The following PDE3A variants were observed in gnomAD, a reference collection of about 807,000 sequenced individuals.
The protein encoded by PDE3A is phosphodiesterase 3A.
PDE3A carries 43 observed loss-of-function variants against 98.3 expected under a neutral mutation model. That is an observed-to-expected ratio of 0.44 (90% CI 0.34 to 0.56). The LOEUF (loss-of-function observed/expected upper bound fraction) is 0.56, where lower values mean the gene tolerates loss of function less well. Among genes scored for constraint, PDE3A ranks in the 20% least tolerant of loss-of-function variants. PDE3A has a pLI of 0.01. For missense variants in PDE3A, 1,427 were observed against 1,440.7 expected, an observed-to-expected ratio of 0.99 and a Z score of 0.15; for synonymous variants, 663 against 567.9, an observed-to-expected ratio of 1.17 and a Z score of -2.38.
intron 1 of PDE3A, among the ~76,000 whole-genome samples, chr12:20,544,529 ACAAAT>A (rs1942002009): frequency 6.6e-6 from 1 of 151,948 alleles, no homozygotes; most frequent in African/African-American, 2.4e-5. Context: ...TTCCTTGAAG[ACAAAT>A]CAAATCTGAT....
intron 1 of PDE3A, among the ~76,000 whole-genome samples, chr12:20,422,888 T>C (rs533602818): frequency 8.5e-4 from 129 of 152,330 alleles, no homozygotes; most frequent in African/African-American, 2.9e-3. Context: ...AACACTTACA[T>C]GTTTATTTGG....
intron 1 of PDE3A, among the ~76,000 whole-genome samples, chr12:20,442,002 GTGCCTCCT>G: frequency 6.6e-6 from 1 of 152,170 alleles, no homozygotes; most frequent in South Asian, 2.1e-4. Flanking sequence ...CCTTAGGTTA[GTGCCTCCT>G]CCTGGATGAC....
intron 2 of PDE3A, among the ~76,000 whole-genome samples, chr12:20,602,955 A>G (rs1210818123): frequency 1.3e-5 from 2 of 152,214 alleles, no homozygotes; most frequent in African/African-American, 4.8e-5. Flanking sequence ...ACCAAAGATC[A>G]TTGTATCAAA....
intron 15 of PDE3A, among the ~76,000 whole-genome samples, chr12:20,660,920 G>A (rs571936992): frequency 4.6e-5 from 7 of 151,782 alleles, no homozygotes; most frequent in South Asian, 2.1e-4. Context: ...ATGTGGAAAC[G>A]ACTTTGGAAC....
At chr12:20,456,708 G>A (rs1945158693) in intron 1 of PDE3A, among the ~76,000 whole-genome samples, 1 of 152,166 alleles carries the variant, frequency 6.6e-6, no homozygotes, top group Non-Finnish European at 1.5e-5. Context: ...GCATGGGGGT[G>A]CAACTAGTGA....
At position 20,649,976 on chromosome 12, in the gene PDE3A, AT is replaced by A. The variant is rs535528517; in HGVS notation, c.2770-466del. ...ATTATATATGCCAATTTAAAAAAGC[AT>A]TTGTTGCTAATTCAATAATTAATGA... On this transcript the variant is annotated intron_variant, in intron 13 of 15. Transcript: ENST00000359062. 7.9e-5 allele frequency among the ~76,000 whole-genome samples: 12 copies of A among 152,010 alleles called. No homozygotes were observed. In the South Asian group the frequency reaches 2.3e-3, roughly 29 times the overall value.
chr12:20,419,659 A>T (rs1184189841), intron 1 of PDE3A, among the ~76,000 whole-genome samples: 1 of 151,858 alleles, frequency 6.6e-6, no homozygotes, highest in Non-Finnish European at 1.5e-5. Flanking sequence ...CTCATTAGAG[A>T]ACCACAAATA....
At chr12:20,457,934 C>T (rs1206648051) in intron 1 of PDE3A, among the ~76,000 whole-genome samples, 1 of 152,014 alleles carries the variant, frequency 6.6e-6, no homozygotes, top group African/African-American at 2.4e-5. Context: ...GTTATTTATA[C>T]AGTTAGATAT....
intron 1 of PDE3A, among the ~76,000 whole-genome samples, chr12:20,436,524 T>C (rs1195112660): frequency 6.6e-6 from 1 of 152,136 alleles, no homozygotes; most frequent in Admixed American, 6.5e-5. Flanking sequence ...CTGACAGTTA[T>C]AGTGTCTGGG....
chr12:20,461,233 T>A, intron 1 of PDE3A, among the ~76,000 whole-genome samples: 1 of 64,274 alleles, frequency 1.6e-5, no homozygotes, highest in East Asian at 6.1e-4. Flanking sequence ...GGAGTGTTTG[T>A]CAGAAAAAAA....
At position 20,634,898 on chromosome 12, in the gene PDE3A, G is replaced by A. The variant is rs375102409; in HGVS notation, c.1847-4G>A. On this transcript the variant is annotated splice_polypyrimidine_tract_variant and splice_region_variant and intron_variant, in intron 7 of 15. Transcript: ENST00000359062. Reference sequence around the variant, plus strand: ...TGTAATAAGTTGTTCTCTTTTAATTGTAGATGACACTGCTCAAGTTACCTC... The same window carrying A: ...TGTAATAAGTTGTTCTCTTTTAATTATAGATGACACTGCTCAAGTTACCTC... The A allele has an allele frequency of 4.4e-6, 7 of 1,604,490 alleles. No homozygotes were observed. Among genetic ancestry groups the A allele is most frequent in the Middle Eastern group, 1.6e-4 (1 of 6,076 alleles).
At chr12:20,448,355 C>T (rs150306473) in intron 1 of PDE3A, among the ~76,000 whole-genome samples, 2,079 of 152,176 alleles carry the variant, frequency 0.014, 82 homozygotes, top group East Asian at 0.093. Flanking sequence ...ACAGGAGAAT[C>T]GATTGAACCC....
intron 2 of PDE3A, among the ~76,000 whole-genome samples, chr12:20,581,307 A>G (rs774287338): frequency 2.6e-5 from 4 of 152,184 alleles, no homozygotes; most frequent in African/African-American, 4.8e-5. Flanking sequence ...TTGTGGCAAA[A>G]TAATAGATTT....
chr12:20,586,859 A>G (rs547964401), intron 2 of PDE3A, among the ~76,000 whole-genome samples: 2 of 152,290 alleles, frequency 1.3e-5, no homozygotes, highest in East Asian at 3.9e-4. Context: ...TTTTGCACTG[A>G]TAGTGGACTA....
At chr12:20,617,002 T>G (rs1308722047) in intron 4 of PDE3A, among the ~76,000 whole-genome samples, 1 of 152,136 alleles carries the variant, frequency 6.6e-6, no homozygotes, top group Non-Finnish European at 1.5e-5. Context: ...GGAAAGTGCA[T>G]TTAGAGGGAG....
At chr12:20,592,338 CTTTCT>C (rs1943357989) in intron 2 of PDE3A, among the ~76,000 whole-genome samples, 1 of 152,074 alleles carries the variant, frequency 6.6e-6, no homozygotes. Context: ...TCAGAATTAC[CTTTCT>C]TTAAAGGTAT....
intron 2 of PDE3A, among the ~76,000 whole-genome samples, chr12:20,607,751 C>T (rs554340695): frequency 3.9e-5 from 6 of 151,934 alleles, no homozygotes; most frequent in African/African-American, 1.4e-4. Flanking sequence ...GTTTGATCAT[C>T]TGCACCATAA....
intron 2 of PDE3A, among the ~76,000 whole-genome samples, chr12:20,609,070 A>G (rs2121436622): frequency 6.6e-6 from 1 of 152,184 alleles, no homozygotes; most frequent in East Asian, 1.9e-4. Context: ...TATTTCTAAA[A>G]GGGAATGTTA....
intron 1 of PDE3A, among the ~76,000 whole-genome samples, chr12:20,378,111 A>G (rs956289462): frequency 3.3e-5 from 5 of 151,750 alleles, no homozygotes; most frequent in African/African-American, 1.2e-4. Context: ...TGGAAACACA[A>G]TGAAAATGGT....
Sources: allele counts gnomAD v4.1 joint callset (sites outside exome capture counted in the v4.1 genomes callset), GRCh38; gene constraint gnomAD v4.1.1; transcripts MANE v1.5; gene names NCBI Gene and HGNC (gene_info 2026-07-23, HGNC 2026-07-21).